Variants in RBM17 observed in about 807,000 individuals in gnomAD.
The protein encoded by RBM17 is splicing factor 45.
Under a neutral mutation model 53.2 loss-of-function variants are expected in RBM17, and 7 were observed. The observed-to-expected ratio is 0.13, with a 90% CI of 0.07 to 0.25. The LOEUF is 0.25. Ranked by LOEUF, RBM17 falls within the 10% of genes least tolerant of loss-of-function variation. The pLI, the probability that RBM17 is intolerant of heterozygous loss-of-function variation, is 1.00. For synonymous variants in RBM17, 167 were observed against 178.1 expected (o/e 0.94, Z 0.50); for missense variants, 257 against 496.7 (o/e 0.52, Z 4.59).
rs1199088891 is a variant in RBM17, at chr10:6,089,628, G to C, written c.-19+435G>C. 6.6e-6 allele frequency: 1 copy of C among 152,566 alleles called. No homozygotes were observed. Among genetic ancestry groups the C allele is most frequent in the East Asian group, 1.9e-4 (1 of 5,338 alleles). The allele number at this position is 152,566 out of a possible 1,614,324, so 9.5% of individuals were successfully genotyped here. ...TGGGGCTCGGAGCCGGTTCCTCCCG[G>C]GGTCTCAGAACTGGGAGTGCAGACG... On this transcript the variant is annotated intron_variant, in intron 1 of 11. Coordinates refer to ENST00000379888, the MANE Select transcript of RBM17 (RefSeq NM_032905.5). The surrounding 1 kb of genome is among the most constrained non-coding windows in gnomAD (Gnocchi z 5.6).
At chr10:6,107,393 G>T (rs1840767422) in intron 5 of RBM17, among the ~76,000 whole-genome samples, 1 of 150,642 alleles carries the variant, frequency 6.6e-6, no homozygotes, top group African/African-American at 2.4e-5. Context: ...TGCCAGGCTG[G>T]TCTCAAACTC....
chr10:6,109,287 T>C (rs568601731), intron 6 of RBM17, among the ~76,000 whole-genome samples: 4 of 152,354 alleles, frequency 2.6e-5, no homozygotes, highest in African/African-American at 9.6e-5. Context: ...CATTTTCCCA[T>C]TCTCTGGATT....
At chr10:6,101,221 A>G in intron 2 of RBM17, 50 bp from the exon 3 acceptor site, 1 of 1,225,898 alleles carries the variant, frequency 8.2e-7, no homozygotes, top group South Asian at 1.4e-5. Context: ...AAACAGTGTG[A>G]ATTTTAATTT....
chr10:6,113,606 C>G (rs368293655), intron 9 of RBM17, 25 bp downstream of exon 9: 3 of 1,479,196 alleles, frequency 2.0e-6, no homozygotes, highest in Non-Finnish European at 2.8e-6. Flanking sequence ...AAAGCAAGCT[C>G]TCTGCCTGCC....
intron 5 of RBM17, among the ~76,000 whole-genome samples, chr10:6,106,920 T>C (rs911135663): frequency 2.0e-5 from 3 of 152,194 alleles, no homozygotes; most frequent in Non-Finnish European, 4.4e-5. Flanking sequence ...TTTAATGTGA[T>C]TAGTAGCAGA....
At chr10:6,106,318 T>G in intron 5 of RBM17, 80 bp downstream of exon 5, 1 of 905,492 alleles carries the variant, frequency 1.1e-6, no homozygotes, top group Non-Finnish European at 1.7e-6. Context: ...CTTTTCAGTT[T>G]GATAAATAGT....
At chr10:6,107,595 C>T in intron 5 of RBM17, among the ~76,000 whole-genome samples, 1 of 141,024 alleles carries the variant, frequency 7.1e-6, no homozygotes, top group Non-Finnish European at 1.5e-5. Flanking sequence ...GATTCTTCTG[C>T]CTCAGCCTCC....
chr10:6,096,952 G>A lies in RBM17; in HGVS notation c.-18-96G>A, dbSNP rs779186911. On this transcript the variant is annotated intron_variant, in intron 1 of 11. Transcript: ENST00000379888. ...GGGCCTCTGTTGCTGAAAGGTCCTG[G>A]ACCTTTTACCTCTAAAATTTCATGA... is the stretch of plus-strand genomic sequence containing the variant. 3 of 1,201,386 alleles carry A rather than the reference G, an allele frequency of 2.5e-6. No individual in the cohort carries two copies. The South Asian group carries it at 4.4e-5, about 18-fold the overall frequency. The allele number at this position is 1,201,386 out of a possible 1,614,324, so 74.4% of individuals were successfully genotyped here. A position where few individuals can be genotyped will look rare whatever the true frequency, so the allele number is the denominator to read the frequency against.
At chr10:6,115,124 C>G in intron 10 of RBM17, 115 bp from the exon 11 acceptor site, 2 of 799,556 alleles carry the variant, frequency 2.5e-6, no homozygotes, top group Non-Finnish European at 4.0e-6. Flanking sequence ...TTGACAACTA[C>G]TTGACTGTAT....
intron 2 of RBM17, among the ~76,000 whole-genome samples, chr10:6,097,985 A>T (rs2132941324): frequency 6.6e-6 from 1 of 152,334 alleles, no homozygotes; most frequent in African/African-American, 2.4e-5. Context: ...CGTCAGGCAT[A>T]GGTAGTCTGG....
intron 1 of RBM17, among the ~76,000 whole-genome samples, chr10:6,093,972 T>C (rs1840529246): frequency 7.1e-6 from 1 of 141,250 alleles, no homozygotes; most frequent in Non-Finnish European, 1.5e-5. Flanking sequence ...TGTGGAATTT[T>C]TTTTTTTTTT....
At chr10:6,113,784 GTAAT>G in intron 9 of RBM17, 1 of 585,960 alleles carries the variant, frequency 1.7e-6, no homozygotes, top group South Asian at 2.2e-5. Flanking sequence ...ACTGCAGTGA[GTAAT>G]TAAATATTTG....
intron 3 of RBM17, 105 bp from the exon 4 acceptor site, chr10:6,104,826 A>G (rs1840723220): frequency 1.1e-6 from 1 of 900,546 alleles, no homozygotes; most frequent in Non-Finnish European, 1.7e-6. Flanking sequence ...AAGGGGCTAG[A>G]TGATGTTCAG....
At chr10:6,103,005 T>C (rs1035113990) in intron 3 of RBM17, among the ~76,000 whole-genome samples, 5 of 152,184 alleles carry the variant, frequency 3.3e-5, no homozygotes, top group Admixed American at 2.6e-4. Context: ...TTGCCCAGGC[T>C]AGTTTTGAAC....
intron 3 of RBM17, among the ~76,000 whole-genome samples, chr10:6,104,169 CTG>C: frequency 6.6e-6 from 1 of 150,762 alleles, no homozygotes; most frequent in South Asian, 2.1e-4. Context: ...GGGTAAAGTT[CTG>C]TGTCTGCTCA....
At chr10:6,101,106 T>C (rs1840663709) in intron 2 of RBM17, among the ~76,000 whole-genome samples, 165 bp from the exon 3 acceptor site, 2 of 152,258 alleles carry the variant, frequency 1.3e-5, no homozygotes. Context: ...TGAAAGAAAA[T>C]AATATATGAT....
chr10:6,099,086 CTTTAA>C (rs556128806), intron 2 of RBM17, among the ~76,000 whole-genome samples: 180 of 151,830 alleles, frequency 1.2e-3, no homozygotes, highest in African/African-American at 4.2e-3. Flanking sequence ...TCGTTTTTCT[CTTTAA>C]TTTTTTTTAA....
At chr10:6,106,294 A>G (rs902883756) in intron 5 of RBM17, 56 bp downstream of exon 5, 1 of 1,153,110 alleles carries the variant, frequency 8.7e-7, no homozygotes, top group Middle Eastern at 1.9e-4. Context: ...GTGCAATTCC[A>G]CTATGTGCTT....
rs1840849115 is a variant in RBM17, at chr10:6,112,194, C to T, written c.705-16C>T. 2 of 1,608,590 alleles carry T rather than the reference C, an allele frequency of 1.2e-6. No homozygotes were observed. Among genetic ancestry groups the T allele is most frequent in the South Asian group, 2.2e-5 (2 of 91,004 alleles). Reference sequence around the variant, plus strand: ...GATGTCAAGGCTAAGAGTCCTTTCCCTTCTTCTCCTGCCAGGGGCACGGTG... The same window carrying T: ...GATGTCAAGGCTAAGAGTCCTTTCCTTTCTTCTCCTGCCAGGGGCACGGTG... On this transcript the variant is annotated splice_polypyrimidine_tract_variant and intron_variant, in intron 7 of 11. Coordinates refer to ENST00000379888, the MANE Select transcript of RBM17 (RefSeq NM_032905.5). The surrounding 1 kb of genome is among the most constrained non-coding windows in gnomAD (Gnocchi z 4.4).
Sources: gnomAD v4.1 joint callset for allele counts (sites outside exome capture counted in the v4.1 genomes callset) on GRCh38, gnomAD v4.1.1 for gene constraint, Gnocchi (gnomAD v3.1) non-coding constraint, MANE v1.5 for transcripts, NCBI Gene and HGNC (gene_info 2026-07-23, HGNC 2026-07-21) for gene names.